NPHP4: variants seen among roughly 807,000 people sequenced by gnomAD.
The protein encoded by NPHP4 is nephrocystin 4.
In NPHP4, 151 loss-of-function variants were observed where a neutral mutation model predicts 155.8. That is an observed-to-expected ratio of 0.97 (90% confidence interval 0.85 to 1.11). The LOEUF (loss-of-function observed/expected upper bound fraction) is 1.11. NPHP4 is among the 50% of genes least tolerant of loss of function. The probability of loss-of-function intolerance (pLI) is 0.00; values close to 1 mark genes in which losing one functional copy is unlikely to be tolerated. For synonymous variants in NPHP4, 845 were observed against 816.8 expected, an observed-to-expected ratio of 1.03 and a Z score of -0.59; for missense variants, 1,956 against 1,925.7, an observed-to-expected ratio of 1.02 and a Z score of -0.29.
At position 5,864,528 on chromosome 1, in the gene NPHP4, G is replaced by A. The variant is rs774350462; in HGVS notation, c.3817-11C>T. ...ACCTTTGGGGTCTGTCTTCAAGAGC[G>A]AGAGAGGCGGGTCAGAGCACAGCCT... On this transcript the variant is annotated splice_polypyrimidine_tract_variant and intron_variant, in intron 27 of 29. Coordinates refer to ENST00000378156, the MANE Select transcript of NPHP4 (RefSeq NM_015102.5). The A allele has an allele frequency of 4.4e-5, 67 of 1,532,616 alleles. No individual in the cohort carries two copies. In the African/African-American group the frequency reaches 4.4e-4, roughly 10 times the overall value. 94.9% of individuals were successfully genotyped at this position (1,532,616 alleles called of 1,614,324 possible).
At chr1:5,949,339 T>TACACACAC (rs1411189925) in intron 7 of NPHP4, among the ~76,000 whole-genome samples, 1 of 16,756 alleles carries the variant, frequency 6.0e-5, no homozygotes, top group African/African-American at 3.4e-4. Flanking sequence ...CTCATTCACA[T>TACACACAC]ACATACACAC....
intron 3 of NPHP4, among the ~76,000 whole-genome samples, chr1:5,973,027 C>T (rs999335700): frequency 3.9e-5 from 6 of 152,086 alleles, no homozygotes; most frequent in African/African-American, 1.2e-4. Context: ...TGGGATTACG[C>T]GTGTGTGCCA....
intron 28 of NPHP4, 107 bp from the exon 29 acceptor site, chr1:5,864,140 C>T: frequency 3.0e-6 from 4 of 1,339,382 alleles, no homozygotes; most frequent in Non-Finnish European, 4.2e-6. Context: ...ACGGGGACCC[C>T]CACAGAGATA....
intron 6 of NPHP4, among the ~76,000 whole-genome samples, chr1:5,956,065 G>C (rs1034358237): frequency 2.0e-5 from 3 of 150,266 alleles, no homozygotes; most frequent in Non-Finnish European, 4.4e-5. Context: ...AAGCTGGGGG[G>C]GGGGGGTGCA....
rs12135056 is a variant in NPHP4 at position 5,874,827 on chromosome 1, C to T, written c.3044+47G>A. ...GCTCAGCAGGGGTGCCGGCTGCACC[C>T]GACACAGATCTGGGCTGGGGCAGGA... is the stretch of plus-strand genomic sequence containing the variant. On this transcript the variant is annotated intron_variant, in intron 21 of 29. Coordinates refer to ENST00000378156, the MANE Select transcript of NPHP4 (RefSeq NM_015102.5). 0.031 allele frequency: 49,129 copies of T among 1,587,422 alleles called. 942 individuals carry two copies. The highest frequency in any genetic ancestry group is 0.039 in the Middle Eastern group (234 of 5,964).
chr1:5,978,647 C>CGT (rs1315087519), intron 2 of NPHP4, among the ~76,000 whole-genome samples: 5 of 152,256 alleles, frequency 3.3e-5, no homozygotes, highest in Admixed American at 2.6e-4. Context: ...CAGACACAGG[C>CGT]TTCTGACTCA....
intron 27 of NPHP4, 80 bp from the exon 28 acceptor site, chr1:5,864,597 A>C: frequency 7.5e-7 from 1 of 1,332,468 alleles, no homozygotes; most frequent in South Asian, 1.6e-5. Context: ...CTGCAGCCCA[A>C]TCAGCCAGGG....
chr1:5,863,447 G>A, intron 29 of NPHP4, 42 bp from the exon 30 acceptor site: 1 of 1,604,094 alleles, frequency 6.2e-7, no homozygotes, highest in African/African-American at 1.3e-5. Context: ...CCCCCGGGCT[G>A]TCCCACGCTC....
Position 5,961,851 on chromosome 1 carries a change from G to T in NPHP4, c.616C>A (p.Leu206Ile). ...EPAFHLLPEN[L>I]LVSGLQQIPG... ...ATCTGCTGCAGACCAGACACCAGAA[G>T]GTTCTCAGGAAGAAGGTGGAACGCA... Residue 206 changes from leucine (L) to isoleucine (I), a missense_variant, in exon 6 of 30, where the codon CTT (leucine) becomes ATT (isoleucine). Leu to Ile is a conservative substitution (Grantham distance 5). Transcript: ENST00000378156. The T allele has an allele frequency of 6.2e-7, 1 of 1,613,768 alleles. No homozygotes were observed. The highest frequency in any genetic ancestry group is 8.5e-7 in the Non-Finnish European group (1 of 1,179,746).
intron 5 of NPHP4, 56 bp from the exon 6 acceptor site, chr1:5,962,005 G>T: frequency 7.1e-7 from 1 of 1,405,020 alleles, no homozygotes; most frequent in South Asian, 1.3e-5. Flanking sequence ...GGTGCTTCCA[G>T]TCAAACCAGC....
chr1:5,863,199 G>T lies in NPHP4; in HGVS notation c.*66C>A, dbSNP rs1435675793. ...TGCAGAGAGGCGGGGAGGACAGCCT[G>T]CAGGGCAGGAGGGGCACAGACAGGC... On this transcript the variant is annotated 3_prime_UTR_variant, in exon 30 of 30. Transcript: ENST00000378156. 56 of 1,569,500 alleles carry T rather than the reference G, an allele frequency of 3.6e-5. No individual in the cohort carries two copies. The highest frequency in any genetic ancestry group is 4.6e-5 in the Non-Finnish European group (52 of 1,141,818).
At chr1:5,973,465 T>C (rs183599018) in intron 3 of NPHP4, among the ~76,000 whole-genome samples, 43 of 152,328 alleles carry the variant, frequency 2.8e-4, no homozygotes, top group African/African-American at 9.6e-4. Context: ...TGCATGCCTG[T>C]AGTCCCAGCT....
rs144468751 is a variant in NPHP4, at chr1:5,923,907, A to G, written c.1441+3742T>C. 7.4e-3 allele frequency among the ~76,000 whole-genome samples: 1,124 copies of G among 152,350 alleles called. 12 individuals are homozygous for G. Among genetic ancestry groups the G allele is most frequent in the African/African-American group, 0.024 (1,017 of 41,578 alleles). ...CAGAACCCAATCAGGACAAAAATCTATCAATCAAAACTGATCCTGAACTGA... is the reference window on the plus strand; with the variant it reads ...CAGAACCCAATCAGGACAAAAATCTGTCAATCAAAACTGATCCTGAACTGA... On this transcript the variant is annotated intron_variant, in intron 11 of 29. Transcript: ENST00000378156.
rs1646965124 is a variant in NPHP4 at position 5,944,159 on chromosome 1, G to A, written c.1119+2945C>T. ...GGACATAGAAGAAGCAGATTGTCCA[G>A]GAAGCTGGCAGCCGGGGAAGCTCCG... On this transcript the variant is annotated intron_variant, in intron 9 of 29. Transcript: ENST00000378156. The surrounding 1 kb of genome is among the most constrained non-coding windows in gnomAD (Gnocchi z 4.3). Among the ~76,000 whole-genome samples the A allele has an allele frequency of 6.6e-6, 1 of 152,250 alleles. No homozygotes were observed. Among genetic ancestry groups the A allele is most frequent in the Non-Finnish European group, 1.5e-5 (1 of 68,034 alleles).
Position 5,905,940 on chromosome 1 carries a change from AAAC to A in NPHP4, c.1612-160_1612-158del, listed in dbSNP as rs796792350. Among the ~76,000 whole-genome samples the A allele has an allele frequency of 3.4e-4, 52 of 152,358 alleles. No individual in the cohort carries two copies. The highest frequency in any genetic ancestry group is 1.2e-3 in the African/African-American group (48 of 41,582). ...GTTCAATTACACTTGAATTTCAGGT[AAAC>A]AACAAATGATTTTAGTATAAGTATG... On this transcript the variant is annotated intron_variant, in intron 13 of 29. Transcript: ENST00000378156. This position sits in a 1 kb window ranked among gnomAD's most constrained non-coding sequence, Gnocchi z 4.0.
chr1:5,927,597 G>C, intron 11 of NPHP4, 52 bp downstream of exon 11: 1 of 1,554,316 alleles, frequency 6.4e-7, no homozygotes, highest in Non-Finnish European at 8.8e-7. Context: ...GGGAAGAGAT[G>C]GAAGTGCTGC....
chr1:5,867,975 G>T lies in NPHP4; in HGVS notation c.3316-79C>A. On this transcript the variant is annotated intron_variant, in intron 23 of 29. Coordinates refer to ENST00000378156, the MANE Select transcript of NPHP4 (RefSeq NM_015102.5). This position sits in a 1 kb window ranked among gnomAD's most constrained non-coding sequence, Gnocchi z 4.1. ...TCTTGTCCCTCCTTAGACAGCACAC[G>T]TATCTCCACTGTTGCCAAGACCCCC... 2.0e-6 allele frequency: 3 copies of T among 1,472,110 alleles called. No individual in the cohort carries two copies. The highest frequency in any genetic ancestry group is 2.8e-6 in the Non-Finnish European group (3 of 1,053,168). 91.2% of individuals were successfully genotyped at this position (1,472,110 alleles called of 1,614,324 possible). A position where few individuals can be genotyped will look rare whatever the true frequency, so the allele number is the denominator to read the frequency against.
chr1:5,898,505 T>C (rs1237800105), intron 16 of NPHP4, among the ~76,000 whole-genome samples: 1 of 152,180 alleles, frequency 6.6e-6, no homozygotes, highest in African/African-American at 2.4e-5. Context: ...GTGCAGGGCC[T>C]TGGCACGAGC....
chr1:5,961,427 A>C (rs1372552577), intron 6 of NPHP4, among the ~76,000 whole-genome samples: 1 of 152,158 alleles, frequency 6.6e-6, no homozygotes, highest in Admixed American at 6.5e-5. Flanking sequence ...ATTTTACCTT[A>C]ATTTAAAAAT....
Sources: gnomAD v4.1 joint callset for allele counts (sites outside exome capture counted in the v4.1 genomes callset) on GRCh38, gnomAD v4.1.1 for gene constraint, Gnocchi (gnomAD v3.1) non-coding constraint, MANE v1.5 for transcripts, NCBI Gene and HGNC (gene_info 2026-07-23, HGNC 2026-07-21) for gene names.